NLN: variants seen among roughly 807,000 people sequenced by gnomAD.
The protein encoded by NLN is neurolysin, mitochondrial.
A neutral mutation model predicts 79.9 loss-of-function variants in NLN; 64 were observed. The observed-to-expected ratio is 0.80, with a 90% confidence interval of 0.65 to 0.99. The LOEUF (loss-of-function observed/expected upper bound fraction) is 0.99. NLN is among the 50% of genes least tolerant of loss of function. The pLI is 0.00. For missense variants in NLN, 835 were observed against 858.7 expected (o/e 0.97, Z 0.34); for synonymous variants, 267 against 296.6 (o/e 0.90, Z 1.02).
At chr5:65,801,747 C>T (rs2150769518) in intron 9 of NLN, among the ~76,000 whole-genome samples, 1 of 152,366 alleles carries the variant, frequency 6.6e-6, no homozygotes, top group East Asian at 1.9e-4. Context: ...CTCTTCTCTA[C>T]TCTGCATGAC....
intron 9 of NLN, among the ~76,000 whole-genome samples, chr5:65,806,253 T>C (rs1003313878): frequency 1.9e-4 from 29 of 152,344 alleles, no homozygotes; most frequent in African/African-American, 5.5e-4. Context: ...CAAGTCTTAT[T>C]ATTATGAGAA....
In NLN at chr5:65,809,596, T is replaced by C; in HGVS notation, c.1609T>C (p.Trp537Arg). 1.2e-6 allele frequency: 2 copies of C among 1,613,978 alleles called. No individual in the cohort carries two copies. Among genetic ancestry groups the C allele is most frequent in the Non-Finnish European group, 1.7e-6 (2 of 1,179,950 alleles). ...VPSQMLENWV[W>R]DVDSLRRLSK... The stretch of plus-strand genomic sequence containing the variant: ...ATCGCAAATGCTTGAAAATTGGGTG[T>C]GGGACGTCGATTCCCTCCGAAGATT... The change falls in exon 10 of 13, where the codon TGG (tryptophan) becomes CGG (arginine). Residue 537 changes from tryptophan (W) to arginine (R), a missense_variant. Coordinates refer to ENST00000380985, the MANE Select transcript of NLN (RefSeq NM_020726.5).
chr5:65,776,429 T>G (rs1291418755), intron 3 of NLN, among the ~76,000 whole-genome samples: 2 of 152,168 alleles, frequency 1.3e-5, no homozygotes, highest in Non-Finnish European at 2.9e-5. Context: ...CTAAACACAG[T>G]CCTTTTACAG....
intron 9 of NLN, among the ~76,000 whole-genome samples, chr5:65,802,016 C>A (rs1407401226): frequency 6.6e-6 from 1 of 152,164 alleles, no homozygotes; most frequent in Admixed American, 6.5e-5. Flanking sequence ...CCTTTATTTG[C>A]TGTTAGTACC....
intron 1 of NLN, among the ~76,000 whole-genome samples, chr5:65,753,819 C>T (rs1226833525): frequency 2.0e-5 from 3 of 152,178 alleles, no homozygotes; most frequent in Non-Finnish European, 2.9e-5. Flanking sequence ...CATCTCAGGG[C>T]CAGCCTTTTT....
chr5:65,728,614 T>A (rs1052270784), intron 1 of NLN, among the ~76,000 whole-genome samples: 3 of 152,200 alleles, frequency 2.0e-5, no homozygotes, highest in Non-Finnish European at 4.4e-5. Context: ...TTACCAACAT[T>A]GAGCATTTTA....
At chr5:65,789,845 A>G (rs12654328) in intron 8 of NLN, among the ~76,000 whole-genome samples, 8,774 of 152,304 alleles carry the variant, frequency 0.058, 429 homozygotes, top group African/African-American at 0.14. Context: ...GCTGAGAGGC[A>G]GCACAGTTTA....
intron 6 of NLN, among the ~76,000 whole-genome samples, chr5:65,782,566 C>T (rs2150758075): frequency 6.6e-6 from 1 of 152,320 alleles, no homozygotes; most frequent in South Asian, 2.1e-4. Context: ...ACATAGTGAG[C>T]TTGTGGAGGA....
chr5:65,810,070 A>G lies in NLN; in HGVS notation c.1748A>G (p.Lys583Arg), dbSNP rs373918815. Residue 583 changes from lysine (K) to arginine (R), a missense_variant, in exon 11 of 13, where the codon AAA becomes AGA. By Grantham distance (26) the Lys-to-Arg change is conservative. Coordinates refer to ENST00000380985, the MANE Select transcript of NLN (RefSeq NM_020726.5). ...ACCCTGCGCCAGATTGTTTTGAGCA[A>G]AGTTGATCAGTCTCTTCATACCAAC... ...LLTLRQIVLS[K>R]VDQSLHTNTS... The G allele has an allele frequency of 6.8e-6, 11 of 1,613,992 alleles. No homozygotes were observed. The highest frequency in any genetic ancestry group is 1.3e-5 in the African/African-American group (1 of 74,926).
At chr5:65,800,541 G>A (rs1030473103) in intron 9 of NLN, among the ~76,000 whole-genome samples, 1 of 152,102 alleles carries the variant, frequency 6.6e-6, no homozygotes, top group African/African-American at 2.4e-5. Flanking sequence ...TGGACATGGT[G>A]GCGGGCGCCT....
intron 9 of NLN, among the ~76,000 whole-genome samples, chr5:65,794,063 A>G (rs1760121086): frequency 6.6e-6 from 1 of 152,228 alleles, no homozygotes; most frequent in Non-Finnish European, 1.5e-5. Context: ...GGATATGACT[A>G]TGCAGTAAGA....
At chr5:65,744,550 C>A (rs1182591250) in intron 1 of NLN, among the ~76,000 whole-genome samples, 1 of 149,162 alleles carries the variant, frequency 6.7e-6, no homozygotes, top group African/African-American at 2.5e-5. Context: ...GTCAATAAAT[C>A]CTATCAATAG....
At chr5:65,726,679 A>G (rs952997479) in intron 1 of NLN, among the ~76,000 whole-genome samples, 2 of 152,208 alleles carry the variant, frequency 1.3e-5, no homozygotes, top group Non-Finnish European at 2.9e-5. Context: ...TAGCCAAAAA[A>G]TTATTACCTT....
intron 6 of NLN, among the ~76,000 whole-genome samples, chr5:65,782,083 T>G (rs1374060): frequency 0.11 from 16,989 of 152,250 alleles, 1,501 homozygotes; most frequent in African/African-American, 0.24. Flanking sequence ...AGCAATTTTC[T>G]AAAATTTTCA....
intron 12 of NLN, among the ~76,000 whole-genome samples, chr5:65,822,261 C>T (rs1211393078): frequency 6.6e-6 from 1 of 152,250 alleles, no homozygotes; most frequent in Non-Finnish European, 1.5e-5. Flanking sequence ...GTCTTGCCCT[C>T]CCCTGCGGGG....
At chr5:65,770,656 C>A (rs114969787) in intron 3 of NLN, among the ~76,000 whole-genome samples, 1 of 152,166 alleles carries the variant, frequency 6.6e-6, no homozygotes, top group Non-Finnish European at 1.5e-5. Flanking sequence ...CCTAGCACAT[C>A]CTCCCACTCC....
chr5:65,805,048 C>A (rs1760382167), intron 9 of NLN, among the ~76,000 whole-genome samples: 1 of 152,152 alleles, frequency 6.6e-6, no homozygotes, highest in African/African-American at 2.4e-5. Flanking sequence ...TTGTGACCAG[C>A]AATCTTTGAT....
chr5:65,732,660 A>G (rs1405714530), intron 1 of NLN, among the ~76,000 whole-genome samples: 1 of 143,740 alleles, frequency 7.0e-6, no homozygotes, highest in Non-Finnish European at 1.6e-5. Context: ...ACGTCAGGGA[A>G]CCTTTGCAGA....
chr5:65,794,308 G>T (rs951683217), intron 9 of NLN, among the ~76,000 whole-genome samples: 1 of 152,072 alleles, frequency 6.6e-6, no homozygotes, highest in Admixed American at 6.6e-5. Context: ...AAATTAAAAT[G>T]GTGTAAAAAA....
Sources: allele counts gnomAD v4.1 joint callset (sites outside exome capture counted in the v4.1 genomes callset), GRCh38; gene constraint gnomAD v4.1.1; transcripts MANE v1.5; gene names NCBI Gene and HGNC (gene_info 2026-07-23, HGNC 2026-07-21).